The following POU6F2 variants were observed in gnomAD, a reference collection of about 807,000 sequenced individuals.
POU6F2 encodes POU domain, class 6, transcription factor 2.
Under a neutral mutation model 71.3 loss-of-function variants are expected in POU6F2, and 31 were observed. That is an observed-to-expected ratio of 0.43 (90% confidence interval 0.33 to 0.59). The LOEUF (loss-of-function observed/expected upper bound fraction) is 0.59, where lower values mean the gene tolerates loss of function less well. Ranked by LOEUF, POU6F2 falls within the 20% of genes least tolerant of loss-of-function variation. The probability of loss-of-function intolerance (pLI) is 0.04; values close to 1 mark genes in which losing one functional copy is unlikely to be tolerated. For missense variants in POU6F2, 783 were observed against 856.8 expected (o/e 0.91, Z 1.07); for synonymous variants, 347 against 355.7 (o/e 0.98, Z 0.27).
At chr7:39,028,499 CAAGT>C (rs1021148336) in intron 1 of POU6F2, among the ~76,000 whole-genome samples, 2 of 152,008 alleles carry the variant, frequency 1.3e-5, no homozygotes, top group African/African-American at 4.8e-5. Flanking sequence ...TCTGGTAGGA[CAAGT>C]AACCTAAAAA....
chr7:39,316,186 C>T (rs974739377), intron 4 of POU6F2, among the ~76,000 whole-genome samples: 1 of 152,158 alleles, frequency 6.6e-6, no homozygotes, highest in Non-Finnish European at 1.5e-5. Context: ...CAATATTCAA[C>T]TTGCTATCTT....
chr7:39,378,275 G>T (rs186132353), intron 5 of POU6F2, among the ~76,000 whole-genome samples: 1 of 152,240 alleles, frequency 6.6e-6, no homozygotes, highest in Admixed American at 6.5e-5. Context: ...CCTTCTCTCT[G>T]TCCCCACTGC....
intron 1 of POU6F2, among the ~76,000 whole-genome samples, chr7:39,027,962 A>G (rs1789852203): frequency 6.6e-6 from 1 of 152,212 alleles, no homozygotes. Context: ...CTACAATGCA[A>G]TATTTAGGAA....
intron 4 of POU6F2, among the ~76,000 whole-genome samples, chr7:39,260,381 C>G (rs956768651): frequency 1.3e-3 from 191 of 151,378 alleles, no homozygotes; most frequent in Middle Eastern, 0.01. Flanking sequence ...ACATTCCATA[C>G]CTTGCTCACA....
At chr7:39,449,997 G>A (rs1788620163) in intron 7 of POU6F2, among the ~76,000 whole-genome samples, 1 of 152,200 alleles carries the variant, frequency 6.6e-6, no homozygotes, top group Non-Finnish European at 1.5e-5. Flanking sequence ...ATTGTGGAAT[G>A]ATGAGAAGGT....
At chr7:39,099,257 G>A (rs1386019881) in intron 2 of POU6F2, among the ~76,000 whole-genome samples, 4 of 152,230 alleles carry the variant, frequency 2.6e-5, no homozygotes, top group Non-Finnish European at 5.9e-5. Context: ...GCCTTGAGAA[G>A]TGTTATGAAG....
At chr7:39,413,484 ATAT>A (rs1787598059) in intron 6 of POU6F2, among the ~76,000 whole-genome samples, 1 of 152,194 alleles carries the variant, frequency 6.6e-6, no homozygotes, top group African/African-American at 2.4e-5. Context: ...TTTCTCACAA[ATAT>A]TATGAACAGA....
intron 1 of POU6F2, among the ~76,000 whole-genome samples, chr7:39,076,121 C>T (rs1271033160): frequency 6.6e-6 from 1 of 152,130 alleles, no homozygotes; most frequent in Non-Finnish European, 1.5e-5. Flanking sequence ...AAAATATCAA[C>T]CAAAGCTAAC....
intron 4 of POU6F2, among the ~76,000 whole-genome samples, chr7:39,226,013 A>G (rs1794455129): frequency 6.6e-6 from 1 of 152,076 alleles, no homozygotes; most frequent in South Asian, 2.1e-4. Context: ...ATGTACATTA[A>G]GGATGTTGGA....
chr7:39,305,797 A>G lies in POU6F2; in HGVS notation c.599-33845A>G, dbSNP rs555965987. On this transcript the variant is annotated intron_variant, in intron 4 of 9. Coordinates refer to ENST00000518318, the MANE Select transcript of POU6F2 (RefSeq NM_001370959.1). The stretch of plus-strand genomic sequence containing the variant: ...CCTTTGCTAATGTTCTTCAATGTGC[A>G]GAGAACATCCTGAAGCCTGATACTT... Among the ~76,000 whole-genome samples the G allele has an allele frequency of 1.4e-4, 22 of 152,356 alleles. No homozygotes were observed. In the South Asian group the frequency reaches 4.6e-3, roughly 32 times the overall value.
chr7:39,157,891 T>TA (rs1792904402), intron 2 of POU6F2, among the ~76,000 whole-genome samples: 1 of 152,156 alleles, frequency 6.6e-6, no homozygotes, highest in African/African-American at 2.4e-5. Context: ...AATAAAGCAG[T>TA]AAAAATGAAT....
intron 4 of POU6F2, among the ~76,000 whole-genome samples, chr7:39,258,728 A>G (rs1784073776): frequency 6.6e-6 from 1 of 151,886 alleles, no homozygotes; most frequent in South Asian, 2.1e-4. Context: ...GAAGAAGAAG[A>G]AGGTGGTAGG....
rs144680794 is a variant in POU6F2, at chr7:39,149,712, A to G, written c.278-54523A>G. 2.9e-3 allele frequency among the ~76,000 whole-genome samples: 435 copies of G among 152,180 alleles called. 1 individual carries two copies. Among genetic ancestry groups the G allele is most frequent in the African/African-American group, 9.9e-3 (412 of 41,498 alleles). On this transcript the variant is annotated intron_variant, in intron 2 of 9. Coordinates refer to ENST00000518318, the MANE Select transcript of POU6F2 (RefSeq NM_001370959.1). Reference sequence around the variant, plus strand: ...TCCTGCCGATCGTAACCACTGTTTCATTCTCTGTGTATTTGAGCCCTTTAT... The same window carrying G: ...TCCTGCCGATCGTAACCACTGTTTCGTTCTCTGTGTATTTGAGCCCTTTAT...
chr7:39,182,693 GT>G (rs1391011521), intron 2 of POU6F2, among the ~76,000 whole-genome samples: 6 of 151,994 alleles, frequency 3.9e-5, no homozygotes, highest in Non-Finnish European at 8.8e-5. Flanking sequence ...TGCTGCAATT[GT>G]AAACCATTGT....
At chr7:39,222,786 C>T (rs952385606) in intron 4 of POU6F2, among the ~76,000 whole-genome samples, 4 of 152,186 alleles carry the variant, frequency 2.6e-5, no homozygotes, top group Admixed American at 6.5e-5. Flanking sequence ...TGTATAGCTA[C>T]TCATCTGTGG....
At chr7:39,060,320 G>A (rs1316806351) in intron 1 of POU6F2, among the ~76,000 whole-genome samples, 1 of 152,270 alleles carries the variant, frequency 6.6e-6, no homozygotes, top group South Asian at 2.1e-4. Flanking sequence ...AGTTTCTTAG[G>A]GCTGGGGTAT....
intron 2 of POU6F2, among the ~76,000 whole-genome samples, chr7:39,124,378 A>G (rs537577392): frequency 6.6e-6 from 1 of 152,296 alleles, no homozygotes; most frequent in Non-Finnish European, 1.5e-5. Context: ...ATTTTCAGAG[A>G]TGAAATTGTC....
intron 5 of POU6F2, chr7:39,406,358 C>G: frequency 1.9e-6 from 1 of 522,864 alleles, no homozygotes. Flanking sequence ...CTCGTTCCCT[C>G]CTGGGCTAGC....
chr7:39,052,777 A>G (rs769584502), intron 1 of POU6F2, among the ~76,000 whole-genome samples: 1 of 152,160 alleles, frequency 6.6e-6, no homozygotes, highest in Non-Finnish European at 1.5e-5. Context: ...AAGCATTCAG[A>G]TAAAAACATT....
Sources: allele counts gnomAD v4.1 joint callset (sites outside exome capture counted in the v4.1 genomes callset), GRCh38; gene constraint gnomAD v4.1.1; transcripts MANE v1.5; gene names NCBI Gene and HGNC (gene_info 2026-07-23, HGNC 2026-07-21).